XRCC4: variants seen among roughly 807,000 people sequenced by gnomAD.
XRCC4 encodes DNA repair protein XRCC4.
In XRCC4, 28 loss-of-function variants were observed where a neutral mutation model predicts 39.1. That is an observed-to-expected ratio of 0.72 (90% CI 0.53 to 0.98). The LOEUF (loss-of-function observed/expected upper bound fraction) is 0.98. XRCC4 is among the 50% of genes least tolerant of loss of function. The pLI is 0.00. For missense variants in XRCC4, 350 were observed against 376.4 expected (o/e 0.93, Z 0.58); for synonymous variants, 123 against 126.4 (o/e 0.97, Z 0.18).
intron 7 of XRCC4, among the ~76,000 whole-genome samples, chr5:83,325,279 C>G (rs984101787): frequency 1.3e-5 from 2 of 152,018 alleles, no homozygotes; most frequent in Non-Finnish European, 2.9e-5. Flanking sequence ...ATAATGGAAT[C>G]TGTCCTTAAT....
chr5:83,226,119 T>G (rs559733121), intron 6 of XRCC4, among the ~76,000 whole-genome samples: 1 of 152,122 alleles, frequency 6.6e-6, no homozygotes, highest in African/African-American at 2.4e-5. Context: ...TTAAAAGTGC[T>G]TCTTTTTACT....
intron 3 of XRCC4, among the ~76,000 whole-genome samples, chr5:83,155,866 C>T (rs184843578): frequency 6.6e-5 from 10 of 151,886 alleles, no homozygotes; most frequent in Non-Finnish European, 1.2e-4. Context: ...CTAAACCTAT[C>T]GTTATTTTAG....
At chr5:83,125,007 G>A (rs1057173266) in intron 3 of XRCC4, among the ~76,000 whole-genome samples, 1 of 152,146 alleles carries the variant, frequency 6.6e-6, no homozygotes, top group African/African-American at 2.4e-5. Flanking sequence ...GGTTTTGTCA[G>A]AATTTTTGCC....
chr5:83,176,079 A>G (rs1749943528), intron 3 of XRCC4, among the ~76,000 whole-genome samples: 2 of 152,060 alleles, frequency 1.3e-5, no homozygotes, highest in Admixed American at 6.6e-5. Context: ...ATAAAATCAC[A>G]TTAATTATGT....
chr5:83,113,771 C>T (rs537734262), intron 3 of XRCC4, among the ~76,000 whole-genome samples: 11 of 152,220 alleles, frequency 7.2e-5, no homozygotes, highest in South Asian at 2.1e-4. Context: ...GGACTATAGG[C>T]GTCCGCCACC....
At chr5:83,226,834 A>C (rs1305436575) in intron 6 of XRCC4, among the ~76,000 whole-genome samples, 1 of 152,120 alleles carries the variant, frequency 6.6e-6, no homozygotes, top group East Asian at 1.9e-4. Flanking sequence ...TTGAATCAGG[A>C]GTTTCCTATT....
Position 83,253,514 on chromosome 5 carries a change from GTA to G in XRCC4, c.746-5012_746-5011del, listed in dbSNP as rs748494398. ...TGTATGTTTGTGTGTGTGTGTGTGT[GTA>G]TATGTATTTGAGGGGGCTAGAGATG... On this transcript the variant is annotated intron_variant, in intron 6 of 7. Transcript: ENST00000396027. 9.7e-4 allele frequency among the ~76,000 whole-genome samples: 143 copies of G among 147,554 alleles called. No homozygotes were observed. In the Middle Eastern group the frequency reaches 0.01, roughly 11 times the overall value.
chr5:83,212,444 A>G (rs972392407), intron 6 of XRCC4, among the ~76,000 whole-genome samples: 3 of 152,152 alleles, frequency 2.0e-5, no homozygotes, highest in African/African-American at 7.2e-5. Flanking sequence ...TGGAAGAGAA[A>G]TGAACAGATC....
chr5:83,238,003 A>T (rs563412804), intron 6 of XRCC4, among the ~76,000 whole-genome samples: 1 of 152,272 alleles, frequency 6.6e-6, no homozygotes, highest in Non-Finnish European at 1.5e-5. Context: ...AATTAATCTT[A>T]GTAGAAATTG....
At chr5:83,318,352 CA>C (rs1279492139) in intron 7 of XRCC4, among the ~76,000 whole-genome samples, 7 of 132,232 alleles carry the variant, frequency 5.3e-5, no homozygotes, top group Non-Finnish European at 1.1e-4. Context: ...AAGTTCTGGC[CA>C]GGGCAATAAG....
At chr5:83,268,959 A>T (rs1291664710) in intron 7 of XRCC4, among the ~76,000 whole-genome samples, 2 of 152,194 alleles carry the variant, frequency 1.3e-5, no homozygotes, top group African/African-American at 4.8e-5. Flanking sequence ...ATTGAAGTTT[A>T]TCTTGGGTTA....
intron 3 of XRCC4, among the ~76,000 whole-genome samples, chr5:83,151,215 C>T (rs985137201): frequency 1.3e-5 from 2 of 152,012 alleles, no homozygotes; most frequent in Non-Finnish European, 2.9e-5. Flanking sequence ...CCATGAATCA[C>T]ATAAATCATA....
chr5:83,209,813 G>A (rs1417792149), intron 6 of XRCC4, among the ~76,000 whole-genome samples: 1 of 151,994 alleles, frequency 6.6e-6, no homozygotes, highest in Non-Finnish European at 1.5e-5. Flanking sequence ...TTTCTAGAAT[G>A]TTTCACTCTT....
At chr5:83,225,088 G>C (rs1453712949) in intron 6 of XRCC4, among the ~76,000 whole-genome samples, 1 of 151,976 alleles carries the variant, frequency 6.6e-6, no homozygotes. Context: ...TGTTAGACTG[G>C]TCTTATATAT....
intron 2 of XRCC4, among the ~76,000 whole-genome samples, chr5:83,109,942 G>A (rs151031634): frequency 1.3e-5 from 2 of 151,950 alleles, no homozygotes; most frequent in Non-Finnish European, 2.9e-5. Flanking sequence ...AATCCCTAAG[G>A]ACTATGAGTG....
intron 7 of XRCC4, among the ~76,000 whole-genome samples, chr5:83,312,392 A>G (rs192815616): frequency 1.5e-3 from 224 of 152,268 alleles, no homozygotes; most frequent in African/African-American, 5.1e-3. Context: ...ATCATTCCCT[A>G]TGTTTTTATA....
chr5:83,122,650 C>T (rs1226633479), intron 3 of XRCC4, among the ~76,000 whole-genome samples: 2 of 152,008 alleles, frequency 1.3e-5, no homozygotes, highest in Admixed American at 6.6e-5. Flanking sequence ...TAAAACTTTC[C>T]TTTTTTCTGA....
At chr5:83,182,854 G>A (rs1750264085) in intron 3 of XRCC4, among the ~76,000 whole-genome samples, 1 of 152,132 alleles carries the variant, frequency 6.6e-6, no homozygotes, top group African/African-American at 2.4e-5. Context: ...CTCTCCAGAT[G>A]CCAAATGTGC....
intron 7 of XRCC4, among the ~76,000 whole-genome samples, chr5:83,329,405 C>T (rs1580518848): frequency 6.6e-6 from 1 of 152,044 alleles, no homozygotes; most frequent in East Asian, 1.9e-4. Flanking sequence ...TTTGTATTCT[C>T]TAAGTCGATT....
Sources: allele counts gnomAD v4.1 joint callset (sites outside exome capture counted in the v4.1 genomes callset), GRCh38; gene constraint gnomAD v4.1.1; transcripts MANE v1.5; gene names NCBI Gene and HGNC (gene_info 2026-07-23, HGNC 2026-07-21).